Variants in DIAPH2 observed in about 807,000 individuals in gnomAD.
DIAPH2 encodes diaphanous related formin 2.
Under a neutral mutation model 92.7 loss-of-function variants are expected in DIAPH2, and 35 were observed. That is an observed-to-expected ratio of 0.38 (90% CI 0.29 to 0.50). DIAPH2 has a LOEUF of 0.50. Among genes scored for constraint, DIAPH2 ranks in the 20% least tolerant of loss-of-function variants. DIAPH2 has a pLI of 0.94. For missense variants in DIAPH2, 701 were observed against 819.5 expected, an observed-to-expected ratio of 0.86 and a Z score of 1.77; for synonymous variants, 301 against 280.4, an observed-to-expected ratio of 1.07 and a Z score of -0.73.
chrX:97,489,214 C>A (rs1476228891), intron 26 of DIAPH2, among the ~76,000 whole-genome samples: 1 of 111,678 alleles, frequency 9.0e-6, no homozygotes, highest in Non-Finnish European at 1.9e-5. Flanking sequence ...GGATTGCTTT[C>A]TCAGTTTTGT....
chrX:97,180,961 T>C (rs1204782114), intron 22 of DIAPH2, among the ~76,000 whole-genome samples: 1 of 112,022 alleles, frequency 8.9e-6, no homozygotes, highest in Non-Finnish European at 1.9e-5. Flanking sequence ...TTTGTTCTTT[T>C]TGCTTAGGAT....
chrX:97,298,854 G>T (rs1005631275), intron 23 of DIAPH2, among the ~76,000 whole-genome samples: 1 of 110,574 alleles, frequency 9.0e-6, no homozygotes, highest in African/African-American at 3.3e-5. Flanking sequence ...TACTGACCTC[G>T]TGATCCGCCC....
At chrX:96,787,783 C>T (rs2064468979) in intron 4 of DIAPH2, among the ~76,000 whole-genome samples, 1 of 104,426 alleles carries the variant, frequency 9.6e-6, no homozygotes, top group Non-Finnish European at 2.0e-5. Flanking sequence ...CTCCGCCTCC[C>T]GGGTTCAAAC....
chrX:96,693,269 A>G (rs2063807412), intron 1 of DIAPH2, among the ~76,000 whole-genome samples: 1 of 112,348 alleles, frequency 8.9e-6, no homozygotes, highest in African/African-American at 3.2e-5. Context: ...ACCATTTACT[A>G]ACCCAGTCAG....
intron 17 of DIAPH2, among the ~76,000 whole-genome samples, chrX:96,974,149 A>C (rs2065946168): frequency 8.9e-6 from 1 of 111,950 alleles, no homozygotes; most frequent in Non-Finnish European, 1.9e-5. Context: ...TGTTCATTTA[A>C]TTTATTAATA....
At chrX:96,748,370 A>G (rs1210830080) in intron 3 of DIAPH2, among the ~76,000 whole-genome samples, 1 of 111,991 alleles carries the variant, frequency 8.9e-6, no homozygotes, top group African/African-American at 3.2e-5. Context: ...AATTATTTCC[A>G]TAGCACTAGG....
chrX:96,820,728 G>C (rs943356459), intron 4 of DIAPH2, among the ~76,000 whole-genome samples: 5 of 111,991 alleles, frequency 4.5e-5, no homozygotes, highest in Non-Finnish European at 7.5e-5. Context: ...AAAACTCCCT[G>C]CCTTGGAGCT....
At chrX:97,523,420 T>A (rs754782039) in intron 26 of DIAPH2, among the ~76,000 whole-genome samples, 1 of 112,278 alleles carries the variant, frequency 8.9e-6, no homozygotes, top group Non-Finnish European at 1.9e-5. Context: ...CTCATTCTTA[T>A]CAATTCCAAT....
intron 23 of DIAPH2, among the ~76,000 whole-genome samples, chrX:97,331,923 T>G (rs980006406): frequency 1.8e-5 from 2 of 111,209 alleles, no homozygotes; most frequent in African/African-American, 6.5e-5. Flanking sequence ...GGTTAGAAAA[T>G]ATATAGTATT....
chrX:97,380,441 T>G (rs1221515986), intron 24 of DIAPH2, among the ~76,000 whole-genome samples: 1 of 111,765 alleles, frequency 8.9e-6, no homozygotes, highest in Non-Finnish European at 1.9e-5. Flanking sequence ...AAGTACAAAG[T>G]AATGTTAATC....
chrX:97,437,784 AC>A lies in DIAPH2; in HGVS notation c.3241+8040del, dbSNP rs1186592819. Reference sequence around the variant, plus strand: ...TTTACACACACACACACACACACACACACACACACACGTAAATGAGTTTGAG... The same window carrying A: ...TTTACACACACACACACACACACACAACACACACACGTAAATGAGTTTGAG... On this transcript the variant is annotated intron_variant, in intron 26 of 26. Coordinates refer to ENST00000324765, the MANE Select transcript of DIAPH2 (RefSeq NM_006729.5). Among the ~76,000 whole-genome samples, 340 of 110,436 alleles carry A rather than the reference AC, an allele frequency of 3.1e-3. 2 individuals are homozygous for A. Among genetic ancestry groups the A allele is most frequent in the Middle Eastern group, 0.023 (5 of 214 alleles).
chrX:96,850,967 T>G (rs2065002675), intron 4 of DIAPH2, among the ~76,000 whole-genome samples: 1 of 112,148 alleles, frequency 8.9e-6, no homozygotes, highest in African/African-American at 3.2e-5. Flanking sequence ...GCCTAGATCT[T>G]ATCTTTTTCC....
intron 26 of DIAPH2, among the ~76,000 whole-genome samples, chrX:97,490,048 T>G (rs1364240488): frequency 1.8e-5 from 2 of 111,631 alleles, no homozygotes; most frequent in Non-Finnish European, 3.8e-5. Flanking sequence ...TAATGCTGGA[T>G]TTTTCTTTTT....
chrX:97,356,093 G>A lies in DIAPH2; in HGVS notation c.3009+7813G>A, dbSNP rs185199581. On this transcript the variant is annotated intron_variant, in intron 24 of 26. Transcript: ENST00000324765. Reference sequence around the variant, plus strand: ...TCATCAATCTTGAAGTACCATTGTGGTATTATGTTCAGTGCAGAAGTAGCC... The same window carrying A: ...TCATCAATCTTGAAGTACCATTGTGATATTATGTTCAGTGCAGAAGTAGCC... Among the ~76,000 whole-genome samples the A allele has an allele frequency of 1.3e-4, 15 of 111,620 alleles. No individual in the cohort carries two copies. The East Asian group carries it at 3.1e-3, about 23-fold the overall frequency.
intron 17 of DIAPH2, among the ~76,000 whole-genome samples, chrX:96,985,518 A>C (rs1476506370): frequency 9.1e-6 from 1 of 109,784 alleles, no homozygotes; most frequent in Non-Finnish European, 1.9e-5. Context: ...CGGCTATATA[A>C]ACAGATATAT....
chrX:97,149,288 G>A lies in DIAPH2; in HGVS notation c.2719+7494G>A, dbSNP rs192499850. Among the ~76,000 whole-genome samples, 11 of 111,686 alleles carry A rather than the reference G, an allele frequency of 9.8e-5. No homozygotes were observed. The East Asian group carries it at 2.8e-3, about 29-fold the overall frequency. ...TATAATCTAACTTTTTAGAAGCACA[G>A]AATGATAATATACCAATGTGACAAA... On this transcript the variant is annotated intron_variant, in intron 22 of 26. Coordinates refer to ENST00000324765, the MANE Select transcript of DIAPH2 (RefSeq NM_006729.5).
In DIAPH2 at chrX:96,957,115, G is replaced by A. The variant is rs185252832; in HGVS notation, c.1615-713G>A. Among the ~76,000 whole-genome samples the A allele has an allele frequency of 3.5e-3, 391 of 112,338 alleles. 1 individual carries two copies. The highest frequency in any genetic ancestry group is 0.012 in the African/African-American group (374 of 30,923). The stretch of plus-strand genomic sequence containing the variant: ...AGCTCACTGCAACCTCTGCCTCCTG[G>A]GTTAAAACGATTCTCCTGCCTCAGC... On this transcript the variant is annotated intron_variant, in intron 15 of 26. Transcript: ENST00000324765.
intron 26 of DIAPH2, among the ~76,000 whole-genome samples, chrX:97,436,422 C>T (rs2070187394): frequency 9.0e-6 from 1 of 111,278 alleles, no homozygotes; most frequent in Non-Finnish European, 1.9e-5. Flanking sequence ...AACTAAATTT[C>T]AAAAATCAGG....
At chrX:96,814,344 G>A (rs996268291) in intron 4 of DIAPH2, among the ~76,000 whole-genome samples, 2 of 111,720 alleles carry the variant, frequency 1.8e-5, no homozygotes, top group Non-Finnish European at 3.8e-5. Flanking sequence ...CACGCGTCAC[G>A]TAGTTCTTGT....
Sources: allele counts gnomAD v4.1 joint callset (sites outside exome capture counted in the v4.1 genomes callset), GRCh38; gene constraint gnomAD v4.1.1; transcripts MANE v1.5; gene names NCBI Gene and HGNC (gene_info 2026-07-23, HGNC 2026-07-21).